Variants in PTPRO observed in about 807,000 individuals in gnomAD.
PTPRO encodes the protein protein tyrosine phosphatase receptor type O, also known as receptor-type tyrosine-protein phosphatase O.
In PTPRO, 62 loss-of-function variants were observed where a neutral mutation model predicts 145.2. The observed-to-expected ratio is 0.43, with a 90% CI of 0.35 to 0.53. The LOEUF is 0.53. Among genes scored for constraint, PTPRO ranks in the 20% least tolerant of loss-of-function variants. The pLI is 0.01. For synonymous variants in PTPRO, 565 were observed against 514.7 expected (o/e 1.10, Z -1.32); for missense variants, 1,345 against 1,482.7 (o/e 0.91, Z 1.53).
At chr12:15,566,999 A>G (rs1342078980) in intron 18 of PTPRO, among the ~76,000 whole-genome samples, 1 of 152,202 alleles carries the variant, frequency 6.6e-6, no homozygotes, top group Admixed American at 6.5e-5. Context: ...CTAAAGAGGC[A>G]GAGACTAGAG....
At chr12:15,444,893 T>A (rs1940862846) in intron 1 of PTPRO, among the ~76,000 whole-genome samples, 2 of 152,262 alleles carry the variant, frequency 1.3e-5, no homozygotes, top group South Asian at 4.1e-4. Flanking sequence ...ATAAGTAGTT[T>A]TCACACTGGC....
chr12:15,363,594 A>G (rs980575895), intron 1 of PTPRO, among the ~76,000 whole-genome samples: 1 of 152,136 alleles, frequency 6.6e-6, no homozygotes, highest in African/African-American at 2.4e-5. Context: ...GACTGAATTA[A>G]GCACCAGAGA....
chr12:15,396,710 G>T (rs1004368232), intron 1 of PTPRO, among the ~76,000 whole-genome samples: 3 of 151,952 alleles, frequency 2.0e-5, no homozygotes, highest in African/African-American at 4.8e-5. Flanking sequence ...AACACTGTAT[G>T]GACTTTTATG....
intron 2 of PTPRO, among the ~76,000 whole-genome samples, chr12:15,488,708 T>A (rs1434237562): frequency 1.3e-5 from 2 of 152,186 alleles, no homozygotes; most frequent in Middle Eastern, 3.2e-3. Context: ...TTGTTCTGAG[T>A]CTGTCACTCT....
chr12:15,505,122 A>G (rs59837599), intron 6 of PTPRO, among the ~76,000 whole-genome samples: 68 of 152,336 alleles, frequency 4.5e-4, no homozygotes, highest in African/African-American at 1.6e-3. Flanking sequence ...TGCCTCACTT[A>G]CCAAATAGTT....
chr12:15,329,039 T>C (rs1254429534), intron 1 of PTPRO, among the ~76,000 whole-genome samples: 1 of 152,248 alleles, frequency 6.6e-6, no homozygotes, highest in African/African-American at 2.4e-5. Context: ...ACTGAGACTT[T>C]GTTTTATTTT....
At chr12:15,377,826 C>T (rs1938732960) in intron 1 of PTPRO, among the ~76,000 whole-genome samples, 2 of 151,634 alleles carry the variant, frequency 1.3e-5, no homozygotes, top group Non-Finnish European at 2.9e-5. Flanking sequence ...AAATCGGAAA[C>T]CAATAACAGA....
intron 2 of PTPRO, among the ~76,000 whole-genome samples, chr12:15,491,078 C>T (rs1321649483): frequency 6.6e-6 from 1 of 152,138 alleles, no homozygotes; most frequent in Non-Finnish European, 1.5e-5. Context: ...ACCTCGCTGG[C>T]CTGCTTTGAT....
intron 20 of PTPRO, among the ~76,000 whole-genome samples, 193 bp downstream of exon 20, chr12:15,579,136 T>A (rs569502279): frequency 2.0e-5 from 3 of 152,234 alleles, no homozygotes; most frequent in Non-Finnish European, 2.9e-5. Context: ...GATTTAATTA[T>A]TGTGCTTTTA....
At chr12:15,452,891 AG>A (rs1473974429) in intron 1 of PTPRO, among the ~76,000 whole-genome samples, 1 of 152,174 alleles carries the variant, frequency 6.6e-6, no homozygotes, top group Non-Finnish European at 1.5e-5. Flanking sequence ...ACTCTTTAAT[AG>A]ATTGTTTCCA....
At chr12:15,585,072 T>C (rs748469614) in intron 23 of PTPRO, among the ~76,000 whole-genome samples, 3 of 152,238 alleles carry the variant, frequency 2.0e-5, no homozygotes, top group Non-Finnish European at 4.4e-5. Flanking sequence ...ACCCCTGCCG[T>C]GTAGCTGCGG....
chr12:15,514,266 A>G (rs1031044412), intron 7 of PTPRO, among the ~76,000 whole-genome samples: 2 of 152,100 alleles, frequency 1.3e-5, no homozygotes, highest in African/African-American at 2.4e-5. Context: ...AGCCTGGCCA[A>G]CATGGCGAAA....
chr12:15,495,543 G>C (rs253864), intron 2 of PTPRO, among the ~76,000 whole-genome samples: 7,671 of 151,862 alleles, frequency 0.051, 292 homozygotes, highest in East Asian at 0.14. Flanking sequence ...AATTCTAAAA[G>C]TGTGAATCAA....
chr12:15,572,902 G>A (rs1944089926), intron 19 of PTPRO, among the ~76,000 whole-genome samples: 2 of 152,276 alleles, frequency 1.3e-5, no homozygotes, highest in South Asian at 4.1e-4. Context: ...TTTTATGGAA[G>A]AGGGACGAGG....
At chr12:15,492,269 CT>C (rs1196172582) in intron 2 of PTPRO, among the ~76,000 whole-genome samples, 1 of 151,982 alleles carries the variant, frequency 6.6e-6, no homozygotes, top group African/African-American at 2.4e-5. Context: ...AGAACTTATG[CT>C]AAAAAAGATA....
At chr12:15,400,124 G>A (rs959976045) in intron 1 of PTPRO, among the ~76,000 whole-genome samples, 2 of 149,778 alleles carry the variant, frequency 1.3e-5, no homozygotes, top group African/African-American at 2.4e-5. Context: ...CTGAGTAGCT[G>A]GGATTACAGA....
At chr12:15,391,279 A>G (rs577980444) in intron 1 of PTPRO, among the ~76,000 whole-genome samples, 15 of 152,312 alleles carry the variant, frequency 9.8e-5, no homozygotes, top group South Asian at 6.2e-4. Context: ...AAGGTTTAGT[A>G]CCAGTTATTA....
chr12:15,430,794 TATAC>T (rs1359793311), intron 1 of PTPRO, among the ~76,000 whole-genome samples: 3 of 152,124 alleles, frequency 2.0e-5, no homozygotes, highest in Non-Finnish European at 2.9e-5. Context: ...CATTCCACAA[TATAC>T]ACATATATCA....
intron 24 of PTPRO, among the ~76,000 whole-genome samples, chr12:15,588,321 A>T (rs1440327385): frequency 6.6e-6 from 1 of 152,198 alleles, no homozygotes; most frequent in Non-Finnish European, 1.5e-5. Flanking sequence ...TTTCTAGCAA[A>T]CTTTCCATAT....
Sources: gnomAD v4.1 joint callset for allele counts (sites outside exome capture counted in the v4.1 genomes callset) on GRCh38, gnomAD v4.1.1 for gene constraint, MANE v1.5 for transcripts, NCBI Gene and HGNC (gene_info 2026-07-23, HGNC 2026-07-21) for gene names.